Variants in KANSL1L observed in about 807,000 individuals in gnomAD.
The protein encoded by KANSL1L is KAT8 regulatory NSL complex subunit 1 like, also known as KAT8 regulatory NSL complex subunit 1-like protein.
In KANSL1L, 25 loss-of-function variants were observed where a neutral mutation model predicts 108.6. The ratio of observed to expected loss-of-function variants is 0.23; its 90% CI spans 0.17 to 0.32. The LOEUF (loss-of-function observed/expected upper bound fraction) is 0.32. Among genes scored for constraint, KANSL1L ranks in the 10% least tolerant of loss-of-function variants. The probability of loss-of-function intolerance (pLI) is 1.00; values close to 1 mark genes in which losing one functional copy is unlikely to be tolerated. For missense variants in KANSL1L, 1,137 were observed against 1,125.7 expected (o/e 1.01, Z -0.14); for synonymous variants, 405 against 395.1 (o/e 1.03, Z -0.30).
At position 210,171,329 on chromosome 2, in the gene KANSL1L, G is replaced by A. The variant is rs1688326811; in HGVS notation, c.-210C>T. 1 of 165,834 alleles carries A rather than the reference G, an allele frequency of 6.0e-6. No homozygotes were observed. The highest frequency in any genetic ancestry group is 1.7e-4 in the East Asian group (1 of 5,816). 10.3% of individuals were successfully genotyped at this position (165,834 alleles called of 1,614,324 possible). A position where few individuals can be genotyped will look rare whatever the true frequency, so the allele number is the denominator to read the frequency against. On this transcript the variant is annotated 5_prime_UTR_variant, in exon 1 of 15. Transcript: ENST00000281772. The stretch of plus-strand genomic sequence containing the variant: ...CGCCGCCGCCGCCGCCGCCGCCGCC[G>A]CCGCCGCCGCCGCGGTTTAACAGTC...
intron 5 of KANSL1L, among the ~76,000 whole-genome samples, chr2:210,091,051 G>T (rs1453757583): frequency 1.3e-5 from 2 of 152,092 alleles, no homozygotes; most frequent in East Asian, 3.8e-4. Context: ...CTAAAAGTAT[G>T]TAAGATGACT....
chr2:210,035,483 T>C (rs574494897), intron 8 of KANSL1L, among the ~76,000 whole-genome samples: 1 of 152,196 alleles, frequency 6.6e-6, no homozygotes, highest in East Asian at 1.9e-4. Flanking sequence ...ATATTTGTTG[T>C]TGTTTGTTTG....
chr2:210,104,601 T>C (rs1325555546), intron 3 of KANSL1L, among the ~76,000 whole-genome samples: 2 of 152,212 alleles, frequency 1.3e-5, no homozygotes, highest in Non-Finnish European at 2.9e-5. Context: ...AAAAAAGGCA[T>C]ATTATACACA....
intron 6 of KANSL1L, among the ~76,000 whole-genome samples, chr2:210,045,576 G>C (rs2094214662): frequency 6.6e-6 from 1 of 152,050 alleles, no homozygotes; most frequent in African/African-American, 2.4e-5. Flanking sequence ...CTTTCCTACA[G>C]TTCCCTACTT....
intron 8 of KANSL1L, among the ~76,000 whole-genome samples, chr2:210,039,095 T>C (rs552969642): frequency 8.5e-5 from 13 of 152,064 alleles, no homozygotes; most frequent in Admixed American, 3.3e-4. Flanking sequence ...TATAACTTCA[T>C]AGTCCTGCTA....
intron 10 of KANSL1L, 51 bp downstream of exon 10, chr2:210,029,752 G>A (rs1272083246): frequency 1.2e-6 from 1 of 860,036 alleles, no homozygotes; most frequent in Non-Finnish European, 1.9e-6. Flanking sequence ...TCAAAATCAG[G>A]TGTTTTTATT....
intron 9 of KANSL1L, chr2:210,030,752 G>C (rs1219791997): frequency 6.6e-6 from 1 of 151,678 alleles, no homozygotes; most frequent in Admixed American, 6.6e-5. Context: ...TGTCTCCTAG[G>C]TTTCTTATAG....
chr2:210,092,112 T>C (rs1010467391), intron 5 of KANSL1L, among the ~76,000 whole-genome samples: 1 of 152,218 alleles, frequency 6.6e-6, no homozygotes, highest in Non-Finnish European at 1.5e-5. Flanking sequence ...ATCTTTGTTT[T>C]TTCACATTTC....
intron 6 of KANSL1L, among the ~76,000 whole-genome samples, chr2:210,070,343 G>A (rs1190370743): frequency 7.2e-6 from 1 of 139,188 alleles, no homozygotes; most frequent in Admixed American, 8.0e-5. Context: ...CCATTCTCCT[G>A]CCTCAGCCCC....
chr2:210,064,975 T>C (rs1215212910), intron 6 of KANSL1L, among the ~76,000 whole-genome samples: 1 of 151,948 alleles, frequency 6.6e-6, no homozygotes, highest in African/African-American at 2.4e-5. Flanking sequence ...TAATTGCCTA[T>C]GATAAAGTAT....
chr2:210,022,804 CTT>C lies in KANSL1L; in HGVS notation c.*143_*144del, dbSNP rs2093878898. 1.6e-4 allele frequency: 102 copies of C among 631,340 alleles called. No individual in the cohort carries two copies. In the South Asian group the frequency reaches 2.1e-3, roughly 13 times the overall value. 39.1% of individuals were successfully genotyped at this position (631,340 alleles called of 1,614,324 possible). A position where few individuals can be genotyped will look rare whatever the true frequency, so the allele number is the denominator to read the frequency against. On this transcript the variant is annotated 3_prime_UTR_variant, in exon 15 of 15. Coordinates refer to ENST00000281772, the MANE Select transcript of KANSL1L (RefSeq NM_152519.4). Reference sequence around the variant, plus strand: ...TTATGGTTCCAGAAGGAAAAACAGACTTATCTTGCCTGTTTCATAAACAGCAT... The same window carrying C: ...TTATGGTTCCAGAAGGAAAAACAGACATCTTGCCTGTTTCATAAACAGCAT...
chr2:210,025,881 G>A (rs978756723), intron 12 of KANSL1L, among the ~76,000 whole-genome samples: 1 of 152,036 alleles, frequency 6.6e-6, no homozygotes, highest in Non-Finnish European at 1.5e-5. Flanking sequence ...TGAAGACTTC[G>A]GTAGGCTACA....
In KANSL1L at chr2:210,153,524, A is replaced by G. The variant is rs777639639; in HGVS notation, c.1059T>C (p.Asp353=). ...ATDSSSDDDL[D]EYTLRKNVAV... ...CCACATTTTTTCTAAGGGTATATTC[A>G]TCCAAATCGTCATCAGAGCTGCTAT... The change falls in exon 2 of 15, where the codon GAT becomes GAC. Residue 353 remains aspartate (D), a synonymous_variant. Coordinates refer to ENST00000281772, the MANE Select transcript of KANSL1L (RefSeq NM_152519.4). The G allele has an allele frequency of 6.2e-7, 1 of 1,614,162 alleles. No homozygotes were observed. The highest frequency in any genetic ancestry group is 2.2e-5 in the East Asian group (1 of 44,872).
At chr2:210,122,377 C>T (rs1228283619) in intron 3 of KANSL1L, among the ~76,000 whole-genome samples, 1 of 152,096 alleles carries the variant, frequency 6.6e-6, no homozygotes, top group Non-Finnish European at 1.5e-5. Context: ...AGAAACAAAT[C>T]CATACATATA....
intron 5 of KANSL1L, among the ~76,000 whole-genome samples, chr2:210,094,672 T>C (rs2094720605): frequency 6.6e-6 from 1 of 152,032 alleles, no homozygotes; most frequent in Non-Finnish European, 1.5e-5. Context: ...CAAACATGAG[T>C]AACATTAAAA....
chr2:210,129,433 T>C (rs2095099538), intron 2 of KANSL1L, among the ~76,000 whole-genome samples: 1 of 152,108 alleles, frequency 6.6e-6, no homozygotes, highest in Non-Finnish European at 1.5e-5. Flanking sequence ...CAATTCTTTA[T>C]CAGTGCAGAA....
chr2:210,051,823 C>G (rs1259206125), intron 6 of KANSL1L, among the ~76,000 whole-genome samples: 5 of 152,060 alleles, frequency 3.3e-5, no homozygotes, highest in Non-Finnish European at 5.9e-5. Flanking sequence ...TCACAATGCT[C>G]AAAAGTTTGT....
chr2:210,072,865 A>G (rs554953831), intron 6 of KANSL1L, among the ~76,000 whole-genome samples: 1 of 152,160 alleles, frequency 6.6e-6, no homozygotes, highest in Non-Finnish European at 1.5e-5. Flanking sequence ...CCAGAGTTAT[A>G]CCCATTAATG....
chr2:210,129,868 G>A (rs1055902805), intron 2 of KANSL1L, among the ~76,000 whole-genome samples: 2 of 151,756 alleles, frequency 1.3e-5, no homozygotes, highest in Non-Finnish European at 2.9e-5. Flanking sequence ...TAAAAATAAG[G>A]GTTGATTCCT....
Sources: allele counts gnomAD v4.1 joint callset (sites outside exome capture counted in the v4.1 genomes callset), GRCh38; gene constraint gnomAD v4.1.1; transcripts MANE v1.5; gene names NCBI Gene and HGNC (gene_info 2026-07-23, HGNC 2026-07-21).